The following STARD13 variants were observed in gnomAD, a reference collection of about 807,000 sequenced individuals.
STARD13 encodes StAR related lipid transfer domain containing 13.
STARD13 carries 62 observed loss-of-function variants against 106.4 expected under a neutral mutation model. That is an observed-to-expected ratio of 0.58 (90% CI 0.48 to 0.72). The LOEUF (loss-of-function observed/expected upper bound fraction) is 0.72. Ranked by LOEUF, STARD13 falls within the 30% of genes least tolerant of loss-of-function variation. The probability of loss-of-function intolerance (pLI) is 0.00; values close to 1 mark genes in which losing one functional copy is unlikely to be tolerated. For synonymous variants in STARD13, 565 were observed against 553.0 expected, an observed-to-expected ratio of 1.02 and a Z score of -0.31; for missense variants, 1,387 against 1,424.0, an observed-to-expected ratio of 0.97 and a Z score of 0.42.
intron 1 of STARD13, among the ~76,000 whole-genome samples, chr13:33,301,819 C>G (rs754615808): frequency 6.6e-6 from 1 of 152,164 alleles, no homozygotes; most frequent in African/African-American, 2.4e-5. Context: ...CCACCCGCCT[C>G]AGCCTCCCAA....
the STARD13 span, among the ~76,000 whole-genome samples, chr13:33,656,342 G>A: frequency 6.6e-6 from 1 of 152,046 alleles, no homozygotes; most frequent in African/African-American, 2.4e-5. Context: ...GGAAAGAAAG[G>A]GAAGATCAAT....
At chr13:33,136,521 T>C (rs995061002) in intron 4 of STARD13, among the ~76,000 whole-genome samples, 2 of 152,226 alleles carry the variant, frequency 1.3e-5, no homozygotes, top group African/African-American at 4.8e-5. Context: ...ATCCTCACCC[T>C]TCCTCTATTT....
intron 7 of STARD13, among the ~76,000 whole-genome samples, chr13:33,123,767 T>A (rs141200797): frequency 6.6e-6 from 1 of 152,168 alleles, no homozygotes; most frequent in East Asian, 1.9e-4. Flanking sequence ...TCAGGCTCTG[T>A]GGGGCAGGGT....
At chr13:33,656,883 C>T in the STARD13 span, 3 of 152,190 alleles carry the variant, frequency 2.0e-5, no homozygotes, top group Admixed American at 6.5e-5. Context: ...AGTAGAGCAC[C>T]CTGAATCCTG....
intron 1 of STARD13, among the ~76,000 whole-genome samples, chr13:33,325,751 TG>T (rs2077766581): frequency 6.6e-6 from 1 of 151,874 alleles, no homozygotes; most frequent in Non-Finnish European, 1.5e-5. Context: ...TCCCAGCACT[TG>T]GGGAGGCCGA....
At position 33,130,755 on chromosome 13, in the gene STARD13, T is replaced by A. The variant is rs528107621; in HGVS notation, c.388-466A>T. On this transcript the variant is annotated intron_variant, in intron 4 of 13. Coordinates refer to ENST00000336934, the MANE Select transcript of STARD13 (RefSeq NM_178006.4). This position sits in a 1 kb window ranked among gnomAD's most constrained non-coding sequence, Gnocchi z 4.1. Reference sequence around the variant, plus strand: ...ATATTTCCAGCTTGCCCCATCTGAATCTCAGCTTCAGTATATCTCAAAGCT... The same window carrying A: ...ATATTTCCAGCTTGCCCCATCTGAAACTCAGCTTCAGTATATCTCAAAGCT... 2.0e-5 allele frequency among the ~76,000 whole-genome samples: 3 copies of A among 152,314 alleles called. No homozygotes were observed. The South Asian group carries it at 6.2e-4, about 32-fold the overall frequency.
chr13:33,163,686 TA>T (rs1882979604), intron 3 of STARD13, among the ~76,000 whole-genome samples: 1 of 64,872 alleles, frequency 1.5e-5, no homozygotes, highest in Non-Finnish European at 2.9e-5. Context: ...ATATAAAACA[TA>T]TATATATATA....
At chr13:33,213,440 A>G (rs574954684) in intron 1 of STARD13, among the ~76,000 whole-genome samples, 1 of 152,236 alleles carries the variant, frequency 6.6e-6, no homozygotes, top group Non-Finnish European at 1.5e-5. Flanking sequence ...TCAGAAGGAC[A>G]TAAGGGATAA....
In STARD13 at chr13:33,106,817, C is replaced by G; in HGVS notation, c.3165G>C (p.Leu1055Phe). ...ACTTGCCAGAGCCACACGGTTCTAT[C>G]AAGTACTGCGAGTCCATCACCACTG... Reference protein sequence around the residue: ...VRAVVMDSQYLIEPCGSGKSR... With the variant: ...VRAVVMDSQYFIEPCGSGKSR... The change falls in exon 13 of 14, where the codon TTG becomes TTC. Residue 1055 changes from leucine (L) to phenylalanine (F), a missense_variant. Coordinates refer to ENST00000336934, the MANE Select transcript of STARD13 (RefSeq NM_178006.4). The G allele has an allele frequency of 1.9e-6, 3 of 1,614,180 alleles. No individual in the cohort carries two copies. The highest frequency in any genetic ancestry group is 2.5e-6 in the Non-Finnish European group (3 of 1,180,016).
rs1873316497 is a variant in STARD13, at chr13:33,103,375, T to TGTTTTAAAA, written c.*2209_*2217dup. The TGTTTTAAAA allele has an allele frequency of 6.5e-6, 1 of 152,712 alleles. No homozygotes were observed. The highest frequency in any genetic ancestry group is 1.5e-5 in the Non-Finnish European group (1 of 68,054). 9.5% of individuals were successfully genotyped at this position (152,712 alleles called of 1,614,324 possible). ...TTTTCTCCTTTTTTTCCCTTTTCCT[T>TGTTTTAAAA]GTTTTAAAAAGATGCACTGTGTTGT... On this transcript the variant is annotated 3_prime_UTR_variant, in exon 14 of 14. Coordinates refer to ENST00000336934, the MANE Select transcript of STARD13 (RefSeq NM_178006.4).
chr13:33,595,829 A>G, the STARD13 span, among the ~76,000 whole-genome samples: 1 of 152,196 alleles, frequency 6.6e-6, no homozygotes, highest in African/African-American at 2.4e-5. Context: ...TACTCTCTTA[A>G]AAATTGTTGC....
At chr13:33,424,402 G>A in the STARD13 span, among the ~76,000 whole-genome samples, 4 of 152,266 alleles carry the variant, frequency 2.6e-5, no homozygotes, top group East Asian at 5.8e-4. Context: ...GAGGAGAAAC[G>A]AACTAGTACT....
chr13:33,230,630 T>C (rs139331529), intron 1 of STARD13, among the ~76,000 whole-genome samples: 199 of 152,398 alleles, frequency 1.3e-3, no homozygotes, highest in African/African-American at 4.5e-3. Context: ...GAATTCTCTT[T>C]TGCTGAAATC....
chr13:33,468,108 C>T, the STARD13 span, among the ~76,000 whole-genome samples: 12 of 152,144 alleles, frequency 7.9e-5, no homozygotes, highest in Non-Finnish European at 1.6e-4. Context: ...CCCAGGACCC[C>T]GGTTCTAATC....
intron 1 of STARD13, among the ~76,000 whole-genome samples, chr13:33,192,901 A>C (rs1886349601): frequency 6.6e-6 from 1 of 152,110 alleles, no homozygotes; most frequent in Non-Finnish European, 1.5e-5. Context: ...TCTGTCTCAA[A>C]AAAAAAAGGT....
At chr13:33,502,868 C>T in the STARD13 span, among the ~76,000 whole-genome samples, 8 of 152,252 alleles carry the variant, frequency 5.3e-5, no homozygotes, top group South Asian at 2.1e-4. Context: ...CTCTGCCAGG[C>T]GTTGGTATCA....
chr13:33,200,956 G>A (rs1195016123), intron 1 of STARD13, among the ~76,000 whole-genome samples: 1 of 152,100 alleles, frequency 6.6e-6, no homozygotes, highest in Non-Finnish European at 1.5e-5. Context: ...AACCCAGGAG[G>A]CGGAGCTTGC....
chr13:33,364,655 C>T, the STARD13 span, among the ~76,000 whole-genome samples: 7 of 152,070 alleles, frequency 4.6e-5, no homozygotes, highest in Admixed American at 3.3e-4. Context: ...TTTGGGAGGC[C>T]GAGGCGGGTG....
intron 1 of STARD13, among the ~76,000 whole-genome samples, chr13:33,308,787 G>A (rs1269680606): frequency 6.6e-6 from 1 of 152,010 alleles, no homozygotes; most frequent in Non-Finnish European, 1.5e-5. Context: ...GCCTCCCGAA[G>A]TGCTGGGATT....
Sources: allele counts gnomAD v4.1 joint callset (sites outside exome capture counted in the v4.1 genomes callset), GRCh38; gene constraint gnomAD v4.1.1; non-coding constraint Gnocchi (gnomAD v3.1); transcripts MANE v1.5; gene names NCBI Gene and HGNC (gene_info 2026-07-23, HGNC 2026-07-21).